Variants in ZDHHC14 observed in about 807,000 individuals in gnomAD.
The protein encoded by ZDHHC14 is palmitoyltransferase ZDHHC14.
Under a neutral mutation model 47.7 loss-of-function variants are expected in ZDHHC14, and 16 were observed. The ratio of observed to expected loss-of-function variants is 0.34; its 90% CI spans 0.23 to 0.51. The LOEUF (loss-of-function observed/expected upper bound fraction) is 0.51, where lower values mean the gene tolerates loss of function less well. Ranked by LOEUF, ZDHHC14 falls within the 20% of genes least tolerant of loss-of-function variation. ZDHHC14 has a pLI of 0.97. For synonymous variants in ZDHHC14, 293 were observed against 278.9 expected (o/e 1.05, Z -0.50); for missense variants, 515 against 662.5 (o/e 0.78, Z 2.44).
chr6:157,398,600 G>T (rs1777570096), intron 1 of ZDHHC14, among the ~76,000 whole-genome samples: 1 of 152,200 alleles, frequency 6.6e-6, no homozygotes. Flanking sequence ...CCCCCACCAA[G>T]ATAGAATAAT....
At chr6:157,567,797 T>G (rs1182759061) in intron 2 of ZDHHC14, among the ~76,000 whole-genome samples, 1 of 130,288 alleles carries the variant, frequency 7.7e-6, no homozygotes. Flanking sequence ...GGTGACAGAG[T>G]GAGACCCCAT....
chr6:157,436,182 A>G (rs1188036487), intron 1 of ZDHHC14, among the ~76,000 whole-genome samples: 1 of 152,176 alleles, frequency 6.6e-6, no homozygotes, highest in African/African-American at 2.4e-5. Context: ...AGAACCTTGG[A>G]TAACTTAATG....
intron 7 of ZDHHC14, among the ~76,000 whole-genome samples, chr6:157,652,532 G>A (rs1777886447): frequency 6.6e-6 from 1 of 152,104 alleles, no homozygotes. Context: ...GGTCAATGCT[G>A]AGCCTTCACT....
At chr6:157,471,479 G>T (rs1461739823) in intron 1 of ZDHHC14, among the ~76,000 whole-genome samples, 2 of 152,218 alleles carry the variant, frequency 1.3e-5, no homozygotes, top group African/African-American at 4.8e-5. Context: ...TGCACAGCGG[G>T]TCTTCACAGG....
chr6:157,666,058 T>C (rs1373686944), intron 8 of ZDHHC14, among the ~76,000 whole-genome samples: 2 of 152,258 alleles, frequency 1.3e-5, no homozygotes, highest in Non-Finnish European at 2.9e-5. Context: ...TCTAGAACAA[T>C]GTATATGCAT....
intron 1 of ZDHHC14, among the ~76,000 whole-genome samples, chr6:157,439,936 A>G (rs1477217773): frequency 3.9e-5 from 6 of 152,078 alleles, no homozygotes; most frequent in African/African-American, 7.2e-5. Context: ...GCATGTTCTC[A>G]CTTACATATG....
At chr6:157,445,574 C>G (rs1446999796) in intron 1 of ZDHHC14, among the ~76,000 whole-genome samples, 3 of 152,200 alleles carry the variant, frequency 2.0e-5, no homozygotes, top group Admixed American at 2.0e-4. Context: ...CCTCTGCCCC[C>G]TTGGGTTGGT....
intron 1 of ZDHHC14, among the ~76,000 whole-genome samples, chr6:157,383,527 CGTAATACTT>C (rs1562404011): frequency 6.6e-6 from 1 of 152,218 alleles, no homozygotes; most frequent in Non-Finnish European, 1.5e-5. Context: ...CTCTTGACAA[CGTAATACTT>C]GTCGCTCAAA....
At chr6:157,658,750 C>T (rs1778215726) in intron 8 of ZDHHC14, among the ~76,000 whole-genome samples, 1 of 152,204 alleles carries the variant, frequency 6.6e-6, no homozygotes. Context: ...TGTCTGTATT[C>T]ATAAGGGAAT....
At chr6:157,402,761 C>G (rs1777670155) in intron 1 of ZDHHC14, among the ~76,000 whole-genome samples, 1 of 152,204 alleles carries the variant, frequency 6.6e-6, no homozygotes, top group Admixed American at 6.5e-5. Context: ...AAGTCTCACT[C>G]TATTGCCCAG....
intron 1 of ZDHHC14, among the ~76,000 whole-genome samples, chr6:157,520,750 T>C (rs1780883254): frequency 6.6e-6 from 1 of 152,224 alleles, no homozygotes; most frequent in Admixed American, 6.5e-5. Flanking sequence ...CAAAGTCACA[T>C]GTGTTCTGAG....
intron 5 of ZDHHC14, among the ~76,000 whole-genome samples, chr6:157,636,561 C>G (rs376264288): frequency 6.6e-6 from 1 of 152,188 alleles, no homozygotes; most frequent in Admixed American, 6.5e-5. Context: ...ATTATGGACC[C>G]GAGGTCCTGC....
At chr6:157,499,239 G>T (rs1780139091) in intron 1 of ZDHHC14, among the ~76,000 whole-genome samples, 1 of 152,118 alleles carries the variant, frequency 6.6e-6, no homozygotes, top group Non-Finnish European at 1.5e-5. Flanking sequence ...AAATACCCTA[G>T]ATTGGGTAGC....
At chr6:157,474,027 C>T (rs572952543) in intron 1 of ZDHHC14, among the ~76,000 whole-genome samples, 3 of 143,390 alleles carry the variant, frequency 2.1e-5, no homozygotes, top group Admixed American at 7.2e-5. Context: ...CTCGCTCTAT[C>T]GCCCAAGCTG....
At chr6:157,406,861 C>T (rs1410700910) in intron 1 of ZDHHC14, among the ~76,000 whole-genome samples, 1 of 152,178 alleles carries the variant, frequency 6.6e-6, no homozygotes, top group Non-Finnish European at 1.5e-5. Flanking sequence ...CCTCACTGAG[C>T]TAATTGCCTG....
intron 3 of ZDHHC14, among the ~76,000 whole-genome samples, chr6:157,625,979 T>C (rs1785394409): frequency 6.6e-6 from 1 of 152,218 alleles, no homozygotes; most frequent in South Asian, 2.1e-4. Context: ...CCGCATCATC[T>C]GTTGCTTTCA....
intron 1 of ZDHHC14, among the ~76,000 whole-genome samples, chr6:157,386,965 G>A (rs570554343): frequency 6.6e-6 from 1 of 152,254 alleles, no homozygotes; most frequent in South Asian, 2.1e-4. Flanking sequence ...AAACTGAGAG[G>A]CTGGGTGAGG....
At chr6:157,577,831 G>A (rs964346930) in intron 2 of ZDHHC14, among the ~76,000 whole-genome samples, 20 of 152,314 alleles carry the variant, frequency 1.3e-4, no homozygotes, top group Admixed American at 1.0e-3. Context: ...GATTACAGGC[G>A]TGAGCCACAG....
At chr6:157,640,905 C>T (rs1777218087) in intron 5 of ZDHHC14, among the ~76,000 whole-genome samples, 2 of 152,230 alleles carry the variant, frequency 1.3e-5, no homozygotes, top group South Asian at 4.1e-4. Flanking sequence ...GAACCCTTGC[C>T]AGCTTTGGTG....
Sources: allele counts gnomAD v4.1 joint callset (sites outside exome capture counted in the v4.1 genomes callset), GRCh38; gene constraint gnomAD v4.1.1; transcripts MANE v1.5; gene names NCBI Gene and HGNC (gene_info 2026-07-23, HGNC 2026-07-21).